The following NALF1 variants were observed in gnomAD, a reference collection of about 807,000 sequenced individuals.
NALF1 encodes family with sequence similarity 155 member A.
Under a neutral mutation model 48.4 loss-of-function variants are expected in NALF1, and 3 were observed. That is an observed-to-expected ratio of 0.06 (90% CI 0.03 to 0.16). The LOEUF (loss-of-function observed/expected upper bound fraction) is 0.16, where lower values mean the gene tolerates loss of function less well. Ranked by LOEUF, NALF1 falls within the 10% of genes least tolerant of loss-of-function variation. The probability of loss-of-function intolerance (pLI) is 1.00; values close to 1 mark genes in which losing one functional copy is unlikely to be tolerated. For synonymous variants in NALF1, 262 were observed against 245.7 expected (o/e 1.07, Z -0.62); for missense variants, 526 against 571.5 (o/e 0.92, Z 0.81).
intron 1 of NALF1, among the ~76,000 whole-genome samples, chr13:107,361,604 G>C (rs1883061699): frequency 2.0e-5 from 3 of 152,180 alleles, no homozygotes; most frequent in Non-Finnish European, 4.4e-5. Flanking sequence ...AGGAGGAAAA[G>C]TTTCCCATCA....
chr13:107,464,279 AG>A (rs1368312069), intron 1 of NALF1, among the ~76,000 whole-genome samples: 1 of 152,210 alleles, frequency 6.6e-6, no homozygotes, highest in Non-Finnish European at 1.5e-5. Flanking sequence ...ACTCAATAAA[AG>A]TTTGCTGTTA....
At chr13:107,302,434 C>CA (rs956531181) in intron 1 of NALF1, among the ~76,000 whole-genome samples, 6 of 152,054 alleles carry the variant, frequency 3.9e-5, no homozygotes, top group Non-Finnish European at 8.8e-5. Context: ...CCCTTCATTT[C>CA]AAAATTTTTT....
chr13:107,494,204 G>A (rs978119061), intron 1 of NALF1, among the ~76,000 whole-genome samples: 5 of 138,392 alleles, frequency 3.6e-5, no homozygotes, highest in Non-Finnish European at 5.9e-5. Context: ...ACCGGTAGGC[G>A]AAAATTACCA....
intron 1 of NALF1, among the ~76,000 whole-genome samples, chr13:107,339,272 A>G (rs1882624500): frequency 6.6e-6 from 1 of 151,886 alleles, no homozygotes; most frequent in African/African-American, 2.4e-5. Context: ...TTTGAGACTT[A>G]TGTGTTGGGT....
At chr13:107,721,226 C>T (rs1319978723) in intron 1 of NALF1, among the ~76,000 whole-genome samples, 1 of 151,774 alleles carries the variant, frequency 6.6e-6, no homozygotes, top group Non-Finnish European at 1.5e-5. Context: ...GTATCATGCA[C>T]CAAATTGTAT....
chr13:107,553,288 C>CA (rs1877352262), intron 1 of NALF1, among the ~76,000 whole-genome samples: 1 of 152,164 alleles, frequency 6.6e-6, no homozygotes, highest in Non-Finnish European at 1.5e-5. Context: ...AGAAAAATCA[C>CA]ATTTTTGTTA....
At chr13:107,467,980 G>A (rs927171296) in intron 1 of NALF1, among the ~76,000 whole-genome samples, 42 of 151,726 alleles carry the variant, frequency 2.8e-4, no homozygotes, top group African/African-American at 9.2e-4. Flanking sequence ...CCCGGGAGGC[G>A]GAGCTTGCAG....
intron 1 of NALF1, among the ~76,000 whole-genome samples, chr13:107,614,154 T>C (rs1014395996): frequency 6.6e-6 from 1 of 152,196 alleles, no homozygotes; most frequent in Non-Finnish European, 1.5e-5. Context: ...TGAGACCTTT[T>C]GTCAGAGAAA....
At chr13:107,807,783 G>T (rs1000529632) in intron 1 of NALF1, among the ~76,000 whole-genome samples, 1 of 152,082 alleles carries the variant, frequency 6.6e-6, no homozygotes, top group African/African-American at 2.4e-5. Context: ...ATTTGCAGGG[G>T]TATTGTAAAA....
chr13:107,607,144 A>C (rs1481056899), intron 1 of NALF1, among the ~76,000 whole-genome samples: 1 of 152,094 alleles, frequency 6.6e-6, no homozygotes, highest in Non-Finnish European at 1.5e-5. Context: ...AAATACTACA[A>C]GGGCCCAAAA....
rs926545065 is a variant in NALF1, at chr13:107,293,124, G to A, written c.916-82369C>T. ...GCCTCCCGAGCAGCTGGGACTACAG[G>A]CACCCACCACCACACCTGGCTAATT... On this transcript the variant is annotated intron_variant, in intron 1 of 2. Transcript: ENST00000375915. Among the ~76,000 whole-genome samples, 3 of 151,412 alleles carry A rather than the reference G, an allele frequency of 2.0e-5. No individual in the cohort carries two copies. The East Asian group carries it at 5.9e-4, about 30-fold the overall frequency.
chr13:107,422,908 C>T (rs1230163508), intron 1 of NALF1, among the ~76,000 whole-genome samples: 1 of 152,060 alleles, frequency 6.6e-6, no homozygotes, highest in Non-Finnish European at 1.5e-5. Context: ...AGGAACAAGG[C>T]GGCCTCTAGA....
intron 1 of NALF1, among the ~76,000 whole-genome samples, chr13:107,832,253 T>C (rs35795706): frequency 6.6e-6 from 1 of 151,760 alleles, no homozygotes; most frequent in Admixed American, 6.6e-5. Flanking sequence ...TAATATTTAT[T>C]ATATTTAATC....
At chr13:107,769,831 C>A (rs1289255674) in intron 1 of NALF1, among the ~76,000 whole-genome samples, 2 of 152,186 alleles carry the variant, frequency 1.3e-5, no homozygotes, top group African/African-American at 2.4e-5. Flanking sequence ...TAATGGGTTA[C>A]CATCACCACT....
intron 1 of NALF1, among the ~76,000 whole-genome samples, chr13:107,665,776 T>C (rs1880843457): frequency 6.6e-6 from 1 of 152,088 alleles, no homozygotes; most frequent in Non-Finnish European, 1.5e-5. Flanking sequence ...TCAAAAAGTT[T>C]ATGAAAAATA....
chr13:107,667,280 TA>T (rs1163080711), intron 1 of NALF1, among the ~76,000 whole-genome samples: 1 of 151,916 alleles, frequency 6.6e-6, no homozygotes, highest in Non-Finnish European at 1.5e-5. Flanking sequence ...ATAAACACAC[TA>T]AAAATTAAAT....
chr13:107,503,506 G>A (rs976479875), intron 1 of NALF1, among the ~76,000 whole-genome samples: 2 of 152,066 alleles, frequency 1.3e-5, no homozygotes, highest in Admixed American at 6.6e-5. Flanking sequence ...TGGTGGGAAC[G>A]TCAATTGGTA....
At chr13:107,789,786 C>T (rs1279666490) in intron 1 of NALF1, among the ~76,000 whole-genome samples, 1 of 152,154 alleles carries the variant, frequency 6.6e-6, no homozygotes, top group Non-Finnish European at 1.5e-5. Flanking sequence ...CTCTGCACGG[C>T]AATATGCTGC....
intron 1 of NALF1, among the ~76,000 whole-genome samples, chr13:107,439,500 C>T: frequency 6.6e-6 from 1 of 152,144 alleles, no homozygotes; most frequent in East Asian, 1.9e-4. Flanking sequence ...TCCCAGCTAT[C>T]TTAAAAATAC....
Sources: gnomAD v4.1 joint callset for allele counts (sites outside exome capture counted in the v4.1 genomes callset) on GRCh38, gnomAD v4.1.1 for gene constraint, MANE v1.5 for transcripts, NCBI Gene and HGNC (gene_info 2026-07-23, HGNC 2026-07-21) for gene names.